Variants in LNPEP observed in about 807,000 individuals in gnomAD.
The protein encoded by LNPEP is leucyl and cystinyl aminopeptidase.
In LNPEP, 64 loss-of-function variants were observed where a neutral mutation model predicts 120.6. The observed-to-expected ratio is 0.53, with a 90% CI of 0.43 to 0.65. The LOEUF is 0.65. Ranked by LOEUF, LNPEP falls within the 30% of genes least tolerant of loss-of-function variation. LNPEP has a pLI of 0.00. For missense variants in LNPEP, 1,057 were observed against 1,200.0 expected, an observed-to-expected ratio of 0.88 and a Z score of 1.76; for synonymous variants, 435 against 425.4, an observed-to-expected ratio of 1.02 and a Z score of -0.28.
intron 1 of LNPEP, among the ~76,000 whole-genome samples, chr5:96,956,497 G>A (rs769436077): frequency 3.9e-5 from 6 of 152,190 alleles, no homozygotes; most frequent in African/African-American, 1.2e-4. Flanking sequence ...CAGCCTGGGC[G>A]ACTGCGTGAG....
chr5:96,951,390 C>G (rs998756462), intron 1 of LNPEP, among the ~76,000 whole-genome samples: 12 of 152,180 alleles, frequency 7.9e-5, no homozygotes, highest in Non-Finnish European at 1.5e-4. Flanking sequence ...TCCCAAGTAG[C>G]TGGGACCACA....
In LNPEP at chr5:97,034,570, G is replaced by A. The variant is rs996837291; in HGVS notation, c.*6037G>A. 2.6e-5 allele frequency: 4 copies of A among 151,874 alleles called. No homozygotes were observed. Among genetic ancestry groups the A allele is most frequent in the African/African-American group, 9.7e-5 (4 of 41,352 alleles). The allele number at this position is 151,874 out of a possible 1,614,324, so 9.4% of individuals were successfully genotyped here. A position where few individuals can be genotyped will look rare whatever the true frequency, so the allele number is the denominator to read the frequency against. On this transcript the variant is annotated 3_prime_UTR_variant, in exon 18 of 18. Transcript: ENST00000231368. ...CAAATGTAATGAGGGACCCAGACCC[G>A]AGAGTGTGGTAAATATTCTTTGCCT...
chr5:96,966,298 A>G (rs1182572258), intron 1 of LNPEP, among the ~76,000 whole-genome samples: 6 of 152,012 alleles, frequency 3.9e-5, no homozygotes, highest in Non-Finnish European at 8.8e-5. Flanking sequence ...GGAGTTTAAT[A>G]CCAGCCTGGG....
At chr5:96,961,098 G>T (rs1041174309) in intron 1 of LNPEP, among the ~76,000 whole-genome samples, 2 of 152,100 alleles carry the variant, frequency 1.3e-5, no homozygotes, top group African/African-American at 2.4e-5. Flanking sequence ...CTAGAATAAA[G>T]TAATAACTTG....
At chr5:96,983,727 G>A (rs1351212613) in intron 2 of LNPEP, among the ~76,000 whole-genome samples, 4 of 152,174 alleles carry the variant, frequency 2.6e-5, no homozygotes, top group East Asian at 3.8e-4. Flanking sequence ...GATTTCAGGC[G>A]TGAGCCACCT....
intron 1 of LNPEP, among the ~76,000 whole-genome samples, chr5:96,951,348 TC>T (rs1561428525): frequency 6.6e-6 from 1 of 152,048 alleles, no homozygotes; most frequent in Non-Finnish European, 1.5e-5. Flanking sequence ...AAGCTCCGCC[TC>T]CCGGGTTCAC....
In LNPEP at chr5:96,979,772, A is replaced by T. The variant is rs1402204875; in HGVS notation, c.654A>T (p.Arg218Ser). Residue 218 changes from arginine to serine, a missense_variant, in exon 2 of 18, where the codon AGA becomes AGT. Arg to Ser is a moderately radical substitution (Grantham distance 110). Transcript: ENST00000231368. ...ILHSTGHNIS[R>S]VTFMSAVSSQ... ...ATAGCACAGGTCATAATATTTCAAG[A>T]GTGACCTTTATGTCAGCAGTTTCAA... The T allele has an allele frequency of 6.2e-7, 1 of 1,614,040 alleles. No homozygotes were observed. The highest frequency in any genetic ancestry group is 1.1e-5 in the South Asian group (1 of 91,086).
At chr5:97,012,754 G>C (rs576157866) in intron 11 of LNPEP, among the ~76,000 whole-genome samples, 10 of 152,036 alleles carry the variant, frequency 6.6e-5, no homozygotes, top group African/African-American at 2.4e-4. Flanking sequence ...AACTCTCAGC[G>C]CTTCATTATT....
At position 96,996,382 on chromosome 5, in the gene LNPEP, C is replaced by A; in HGVS notation, c.1408-8C>A. The A allele has an allele frequency of 1.1e-5, 3 of 267,914 alleles. No homozygotes were observed. The highest frequency in any genetic ancestry group is 1.4e-5 in the Non-Finnish European group (3 of 207,936). 16.6% of individuals were successfully genotyped at this position (267,914 alleles called of 1,614,324 possible). On this transcript the variant is annotated splice_region_variant and splice_polypyrimidine_tract_variant and intron_variant, in intron 6 of 17. Transcript: ENST00000231368. ...ATCCTGTGGGTTAATTGTTTTCTCT[C>A]CCCCCAGTGGTTTGGCAATCTGGTA... is the stretch of plus-strand genomic sequence containing the variant.
At chr5:96,940,647 A>T (rs1211105215) in intron 1 of LNPEP, among the ~76,000 whole-genome samples, 6 of 152,244 alleles carry the variant, frequency 3.9e-5, no homozygotes, top group African/African-American at 1.4e-4. Flanking sequence ...CATGTCTACT[A>T]ATTTAGTGTA....
intron 9 of LNPEP, 118 bp downstream of exon 9, chr5:97,003,664 A>AG (rs1230017601): frequency 1.7e-5 from 10 of 590,250 alleles, no homozygotes; most frequent in Non-Finnish European, 2.4e-5. Flanking sequence ...TATTTAAGAA[A>AG]GGGGGGGATG....
intron 1 of LNPEP, among the ~76,000 whole-genome samples, chr5:96,964,824 T>C (rs1789688972): frequency 6.6e-6 from 1 of 152,210 alleles, no homozygotes; most frequent in Non-Finnish European, 1.5e-5. Context: ...AAGGGAAATT[T>C]CTGAAAGCTA....
At chr5:96,965,370 G>T (rs1390296688) in intron 1 of LNPEP, among the ~76,000 whole-genome samples, 3 of 151,574 alleles carry the variant, frequency 2.0e-5, no homozygotes, top group Admixed American at 2.0e-4. Context: ...TGAAGACTGG[G>T]TGCAAAAATC....
At chr5:96,945,240 AT>A (rs1789159574) in intron 1 of LNPEP, among the ~76,000 whole-genome samples, 1 of 116,324 alleles carries the variant, frequency 8.6e-6, no homozygotes, top group South Asian at 2.6e-4. Flanking sequence ...CTACAAAAAA[AT>A]TAAAAATTAA....
chr5:96,964,476 T>C (rs1221743294), intron 1 of LNPEP, among the ~76,000 whole-genome samples: 1 of 152,114 alleles, frequency 6.6e-6, no homozygotes, highest in African/African-American at 2.4e-5. Context: ...AACCTGCTTT[T>C]CTCTCTTTAT....
chr5:97,016,939 C>T (rs1283518934), intron 13 of LNPEP, among the ~76,000 whole-genome samples: 1 of 152,110 alleles, frequency 6.6e-6, no homozygotes, highest in East Asian at 1.9e-4. Context: ...TAGTTTGGAG[C>T]TATCATGAAT....
In LNPEP at chr5:97,013,632, T is replaced by G; in HGVS notation, c.2036-16T>G. 1 of 1,410,622 alleles carries G rather than the reference T, an allele frequency of 7.1e-7. No homozygotes were observed. Among genetic ancestry groups the G allele is most frequent in the Non-Finnish European group, 9.4e-7 (1 of 1,066,180 alleles). The allele number at this position is 1,410,622 out of a possible 1,614,324, so 87.4% of individuals were successfully genotyped here. ...TGTCTTCTCTCTCAATCTCTCATTT[T>G]TTTGGTTTCCATTAGGTGTCATCAA... On this transcript the variant is annotated splice_polypyrimidine_tract_variant and intron_variant, in intron 11 of 17. Coordinates refer to ENST00000231368, the MANE Select transcript of LNPEP (RefSeq NM_005575.3).
intron 1 of LNPEP, among the ~76,000 whole-genome samples, chr5:96,951,458 C>T (rs1789322601): frequency 6.6e-6 from 1 of 152,112 alleles, no homozygotes; most frequent in Non-Finnish European, 1.5e-5. Context: ...CGGGGTTTCA[C>T]TGTGTTAGCC....
At chr5:96,994,105 T>C in intron 6 of LNPEP, 134 bp downstream of exon 6, 1 of 715,344 alleles carries the variant, frequency 1.4e-6, no homozygotes, top group East Asian at 2.7e-5. Context: ...AAGATGCTTT[T>C]TAAACACAAA....
Sources: allele counts gnomAD v4.1 joint callset (sites outside exome capture counted in the v4.1 genomes callset), GRCh38; gene constraint gnomAD v4.1.1; transcripts MANE v1.5; gene names NCBI Gene and HGNC (gene_info 2026-07-23, HGNC 2026-07-21).